Variants in AKAP6 observed in about 807,000 individuals in gnomAD.
AKAP6 encodes A-kinase anchor protein 6.
In AKAP6, 58 loss-of-function variants were observed where a neutral mutation model predicts 188.5. The ratio of observed to expected loss-of-function variants is 0.31; its 90% CI spans 0.25 to 0.38. The LOEUF (loss-of-function observed/expected upper bound fraction) is 0.38. AKAP6 is among the 10% of genes least tolerant of loss of function. AKAP6 has a pLI of 1.00. For synonymous variants in AKAP6, 989 were observed against 998.6 expected (o/e 0.99, Z 0.18); for missense variants, 2,710 against 2,740.0 (o/e 0.99, Z 0.24).
At chr14:32,784,280 A>G (rs987711192) in intron 12 of AKAP6, among the ~76,000 whole-genome samples, 5 of 152,168 alleles carry the variant, frequency 3.3e-5, no homozygotes, top group Non-Finnish European at 5.9e-5. Context: ...AAATTCACAC[A>G]TGCTTCACAG....
rs544925064 is a variant in AKAP6 at position 32,714,659 on chromosome 14, A to G, written c.3001-17795A>G. Among the ~76,000 whole-genome samples the G allele has an allele frequency of 2.0e-5, 3 of 151,964 alleles. No individual in the cohort carries two copies. The South Asian group carries it at 6.2e-4, about 31-fold the overall frequency. ...CTTTCTCTTTGACGTCTTATTTTCC[A>G]CACATTTTAATTTTTCTACCTTCTT... On this transcript the variant is annotated intron_variant, in intron 9 of 13. Transcript: ENST00000280979.
At chr14:32,734,792 G>A (rs1005983215) in intron 10 of AKAP6, among the ~76,000 whole-genome samples, 1 of 152,036 alleles carries the variant, frequency 6.6e-6, no homozygotes, top group African/African-American at 2.4e-5. Context: ...ACTATTTACA[G>A]AACACTACAC....
chr14:32,355,693 G>C (rs542422890), intron 1 of AKAP6, among the ~76,000 whole-genome samples: 2 of 152,062 alleles, frequency 1.3e-5, no homozygotes, highest in African/African-American at 2.4e-5. Flanking sequence ...GCTATTTCAA[G>C]ATAGCTTTAA....
intron 7 of AKAP6, among the ~76,000 whole-genome samples, chr14:32,603,150 G>A (rs1159199451): frequency 6.6e-6 from 1 of 152,154 alleles, no homozygotes; most frequent in East Asian, 1.9e-4. Context: ...GTGTGCAAGG[G>A]AAGCTGGGTG....
chr14:32,535,424 C>G, intron 2 of AKAP6, 130 bp from the exon 3 acceptor site: 1 of 1,091,800 alleles, frequency 9.2e-7, no homozygotes, highest in South Asian at 1.5e-5. Context: ...AACAAAGGCC[C>G]CAGGTATCCA....
At chr14:32,650,604 C>T (rs1286479799) in intron 7 of AKAP6, among the ~76,000 whole-genome samples, 8 of 151,904 alleles carry the variant, frequency 5.3e-5, no homozygotes, top group African/African-American at 1.9e-4. Context: ...GAGTGAGACT[C>T]TGTTTAAAAA....
chr14:32,562,996 C>G (rs908412361), intron 4 of AKAP6, among the ~76,000 whole-genome samples: 2 of 152,088 alleles, frequency 1.3e-5, no homozygotes, highest in African/African-American at 4.8e-5. Context: ...TATCTGTGCC[C>G]ATTTCACTTT....
At chr14:32,556,010 T>C (rs1883671335) in intron 4 of AKAP6, among the ~76,000 whole-genome samples, 1 of 152,006 alleles carries the variant, frequency 6.6e-6, no homozygotes, top group African/African-American at 2.4e-5. Flanking sequence ...GTATATTTTT[T>C]GAGGAATCTC....
intron 12 of AKAP6, among the ~76,000 whole-genome samples, chr14:32,794,682 A>G (rs967855270): frequency 6.6e-6 from 1 of 152,226 alleles, no homozygotes; most frequent in Non-Finnish European, 1.5e-5. Flanking sequence ...AAATGCCCAT[A>G]TCAAAAAGCT....
chr14:32,623,432 T>C (rs1270250995), intron 7 of AKAP6, among the ~76,000 whole-genome samples: 1 of 152,146 alleles, frequency 6.6e-6, no homozygotes, highest in Non-Finnish European at 1.5e-5. Flanking sequence ...CTTACCTGCT[T>C]ATCCCTTTTC....
In AKAP6 at chr14:32,735,744, C is replaced by T. The variant is rs759774323; in HGVS notation, c.3234C>T (p.Ser1078=). The T allele has an allele frequency of 1.9e-6, 3 of 1,613,382 alleles. No individual in the cohort carries two copies. The East Asian group carries it at 6.7e-5, about 36-fold the overall frequency. Residue 1078 remains serine (S), a synonymous_variant, in exon 11 of 14, where the codon AGC becomes AGT. Coordinates refer to ENST00000280979, the MANE Select transcript of AKAP6 (RefSeq NM_004274.5). The stretch of plus-strand genomic sequence containing the variant: ...ACCTGCTCTCTCCTGAAAGTGGAAG[C>T]CTGGTAAGGCAGCTGGAGGTCAGGA... ...PRDLLSPESG[S]LVRQLEVRIK... is the part of the protein sequence containing the mutation.
At chr14:32,598,465 A>G (rs1368962727) in intron 5 of AKAP6, among the ~76,000 whole-genome samples, 1 of 152,168 alleles carries the variant, frequency 6.6e-6, no homozygotes, top group Non-Finnish European at 1.5e-5. Context: ...GTTTCTTGAA[A>G]TATTTAAATG....
At chr14:32,699,556 AT>A (rs1388557982) in intron 9 of AKAP6, among the ~76,000 whole-genome samples, 1 of 152,180 alleles carries the variant, frequency 6.6e-6, no homozygotes, top group Non-Finnish European at 1.5e-5. Context: ...CCTAATTCCT[AT>A]TAAAAACTAA....
intron 5 of AKAP6, among the ~76,000 whole-genome samples, chr14:32,585,662 A>G (rs1464133590): frequency 2.6e-5 from 4 of 152,240 alleles, no homozygotes; most frequent in Admixed American, 2.6e-4. Context: ...ATAAATGACT[A>G]ACAATTTTAA....
intron 1 of AKAP6, among the ~76,000 whole-genome samples, chr14:32,336,965 A>T (rs17098769): frequency 0.15 from 23,317 of 152,224 alleles, 2,062 homozygotes; most frequent in East Asian, 0.37. Flanking sequence ...AGTTTCTCTG[A>T]TATGTCCCTT....
At position 32,368,142 on chromosome 14, in the gene AKAP6, C is replaced by T. The variant is rs536582588; in HGVS notation, c.-35+38734C>T. 4.6e-5 allele frequency among the ~76,000 whole-genome samples: 7 copies of T among 152,272 alleles called. No homozygotes were observed. In the South Asian group the frequency reaches 1.5e-3, roughly 32 times the overall value. On this transcript the variant is annotated intron_variant, in intron 1 of 13. Coordinates refer to ENST00000280979, the MANE Select transcript of AKAP6 (RefSeq NM_004274.5). ...CTCTCATCTCAATTTCTGGTTAGCA[C>T]TCTATTAATCCTCCTGATTGCTTTT...
intron 2 of AKAP6, among the ~76,000 whole-genome samples, chr14:32,453,944 G>A (rs1891035296): frequency 6.6e-6 from 1 of 152,136 alleles, no homozygotes; most frequent in African/African-American, 2.4e-5. Flanking sequence ...CTCATGAATG[G>A]CATCCAAGTT....
intron 10 of AKAP6, chr14:32,734,116 A>C (rs1450130018): frequency 1.3e-5 from 2 of 152,164 alleles, no homozygotes; most frequent in Non-Finnish European, 2.9e-5. Flanking sequence ...CAAATACAAC[A>C]TGCAGGTTTG....
At chr14:32,503,166 TTC>T (rs1375684328) in intron 2 of AKAP6, among the ~76,000 whole-genome samples, 47 of 152,256 alleles carry the variant, frequency 3.1e-4, no homozygotes, top group African/African-American at 1.1e-3. Context: ...AAAATTATAT[TTC>T]TTTTACTGTG....
Sources: allele counts gnomAD v4.1 joint callset (sites outside exome capture counted in the v4.1 genomes callset), GRCh38; gene constraint gnomAD v4.1.1; transcripts MANE v1.5; gene names NCBI Gene and HGNC (gene_info 2026-07-23, HGNC 2026-07-21).